The following GXYLT2 variants were observed in gnomAD, a reference collection of about 807,000 sequenced individuals.
GXYLT2 encodes the protein glycosyltransferase 8 domain containing 4.
In GXYLT2, 53 loss-of-function variants were observed where a neutral mutation model predicts 45.8. That is an observed-to-expected ratio of 1.16 (90% CI 0.93 to 1.46). GXYLT2 has a LOEUF of 1.46. Among genes scored for constraint, GXYLT2 ranks in the 40% most tolerant of loss-of-function variants. GXYLT2 has a pLI of 0.00. For synonymous variants in GXYLT2, 219 were observed against 214.2 expected (o/e 1.02, Z -0.19); for missense variants, 551 against 544.4 (o/e 1.01, Z -0.12).
At chr3:72,889,139 C>T (rs1709128021) in intron 1 of GXYLT2, among the ~76,000 whole-genome samples, 1 of 150,156 alleles carries the variant, frequency 6.7e-6, no homozygotes, top group South Asian at 2.1e-4. Flanking sequence ...TAACCTTCGA[C>T]CTTCTGTTTG....
At chr3:72,898,972 C>A (rs1386452797) in intron 1 of GXYLT2, among the ~76,000 whole-genome samples, 5 of 151,882 alleles carry the variant, frequency 3.3e-5, no homozygotes, top group African/African-American at 1.2e-4. Context: ...CTCAGGTGAT[C>A]CGCCTGCCTT....
intron 1 of GXYLT2, among the ~76,000 whole-genome samples, chr3:72,897,382 G>T (rs1373485941): frequency 2.0e-5 from 3 of 152,112 alleles, no homozygotes; most frequent in Non-Finnish European, 2.9e-5. Context: ...AATAGGTCTG[G>T]GTGTGCAACC....
At chr3:72,964,257 G>A (rs1196750258) in intron 5 of GXYLT2, among the ~76,000 whole-genome samples, 1 of 152,086 alleles carries the variant, frequency 6.6e-6, no homozygotes, top group Non-Finnish European at 1.5e-5. Flanking sequence ...TTCTGCCTTG[G>A]AGTGCCCCTC....
intron 5 of GXYLT2, among the ~76,000 whole-genome samples, chr3:72,963,006 CT>C (rs1484121436): frequency 6.6e-6 from 1 of 151,208 alleles, no homozygotes; most frequent in Non-Finnish European, 1.5e-5. Context: ...AGCCTCCGTT[CT>C]ATTGATACAG....
intron 6 of GXYLT2, among the ~76,000 whole-genome samples, chr3:72,974,286 A>G (rs760897412): frequency 3.4e-4 from 52 of 152,220 alleles, no homozygotes; most frequent in Non-Finnish European, 5.6e-4. Context: ...GATGATCTCA[A>G]AAGCCCAATA....
rs1711074931 is a variant in GXYLT2, at chr3:72,975,264, A to G, written c.*105A>G. 2.6e-6 allele frequency: 2 copies of G among 781,876 alleles called. No individual in the cohort carries two copies. Among genetic ancestry groups the G allele is most frequent in the African/African-American group, 3.6e-5 (2 of 56,010 alleles). The allele number at this position is 781,876 out of a possible 1,614,324, so 48.4% of individuals were successfully genotyped here. A position where few individuals can be genotyped will look rare whatever the true frequency, so the allele number is the denominator to read the frequency against. The stretch of plus-strand genomic sequence containing the variant: ...TGTGAATATTTAATGGTGCTCCATG[A>G]CTGTTGAGTTTTAAAAACCTCGTTA... On this transcript the variant is annotated 3_prime_UTR_variant, in exon 7 of 7. Coordinates refer to ENST00000389617, the MANE Select transcript of GXYLT2 (RefSeq NM_001080393.2).
rs114989896 is a variant in GXYLT2, at chr3:72,908,333, A to T, written c.276-34A>T. 3.4e-4 allele frequency: 515 copies of T among 1,524,028 alleles called. 6 individuals are homozygous for T. In the African/African-American group the frequency reaches 6.4e-3, roughly 19 times the overall value. 94.4% of individuals were successfully genotyped at this position (1,524,028 alleles called of 1,614,324 possible). A position where few individuals can be genotyped will look rare whatever the true frequency, so the allele number is the denominator to read the frequency against. ...TTGTTGTTTTTACTTTTTTGAGTTT[A>T]GTAATAGCTTTCACTTGTTTTCCCT... On this transcript the variant is annotated intron_variant, in intron 1 of 6. Coordinates refer to ENST00000389617, the MANE Select transcript of GXYLT2 (RefSeq NM_001080393.2).
intron 2 of GXYLT2, among the ~76,000 whole-genome samples, chr3:72,912,003 A>G (rs1485463897): frequency 7.9e-6 from 1 of 126,960 alleles, no homozygotes; most frequent in African/African-American, 3.8e-5. Context: ...GTATATATAT[A>G]TATATATATA....
chr3:72,936,224 G>A lies in GXYLT2; in HGVS notation c.600+13889G>A, dbSNP rs551545307. 3.2e-4 allele frequency among the ~76,000 whole-genome samples: 48 copies of A among 151,668 alleles called. No homozygotes were observed. The South Asian group carries it at 8.4e-3, about 26-fold the overall frequency. ...GGAGAATTGCTTGAACCTGGGAGGC[G>A]GAGGTTGCAGTGAGCCAAGATTGCG... On this transcript the variant is annotated intron_variant, in intron 3 of 6. Coordinates refer to ENST00000389617, the MANE Select transcript of GXYLT2 (RefSeq NM_001080393.2).
rs144828101 is a variant in GXYLT2, at chr3:72,896,667, G to A, written c.275+8159G>A. Among the ~76,000 whole-genome samples the A allele has an allele frequency of 5.9e-3, 890 of 152,062 alleles. 8 individuals carry two copies. Among genetic ancestry groups the A allele is most frequent in the African/African-American group, 0.019 (786 of 41,458 alleles). On this transcript the variant is annotated intron_variant, in intron 1 of 6. Transcript: ENST00000389617. ...AGTTCGAGACCATCCTGGCCAATAT[G>A]GTGAAACCTGGTCTCTACCAAAAAT...
At chr3:72,925,623 T>A (rs1051177303) in intron 3 of GXYLT2, among the ~76,000 whole-genome samples, 1 of 152,142 alleles carries the variant, frequency 6.6e-6, no homozygotes, top group African/African-American at 2.4e-5. Flanking sequence ...GTCTCCATTT[T>A]TGCAAAAAAT....
intron 6 of GXYLT2, among the ~76,000 whole-genome samples, chr3:72,971,115 G>T (rs983801908): frequency 6.6e-6 from 1 of 152,156 alleles, no homozygotes; most frequent in African/African-American, 2.4e-5. Context: ...GTCTATCAGA[G>T]CCACTCTTGG....
In GXYLT2 at chr3:72,888,279, G is replaced by T. The variant is rs978834366; in HGVS notation, c.46G>T (p.Ala16Ser). The T allele has an allele frequency of 4.8e-5, 48 of 994,556 alleles. No individual in the cohort carries two copies. Among genetic ancestry groups the T allele is most frequent in the Non-Finnish European group, 5.5e-5 (46 of 838,642 alleles). 61.6% of individuals were successfully genotyped at this position (994,556 alleles called of 1,614,324 possible). A position where few individuals can be genotyped will look rare whatever the true frequency, so the allele number is the denominator to read the frequency against. Residue 16 changes from alanine (A) to serine (S), a missense_variant, in exon 1 of 7, where the codon GCC becomes TCC. Coordinates refer to ENST00000389617, the MANE Select transcript of GXYLT2 (RefSeq NM_001080393.2). ...GGCGGCGCTGCTCTTGCTCGCGCTG[G>T]CCGCGCTGCTGCTGGCGCTGCTGTC... Reference protein sequence around the residue: ...KAAALLLLALAALLLALLSLR... With the variant: ...KAAALLLLALSALLLALLSLR...
rs1003673593 is a variant in GXYLT2 at position 72,976,500 on chromosome 3, A to C, written c.*1341A>C. 1 of 152,188 alleles carries C rather than the reference A, an allele frequency of 6.6e-6. No individual in the cohort carries two copies. 9.4% of individuals were successfully genotyped at this position (152,188 alleles called of 1,614,324 possible). A position where few individuals can be genotyped will look rare whatever the true frequency, so the allele number is the denominator to read the frequency against. On this transcript the variant is annotated 3_prime_UTR_variant, in exon 7 of 7. Transcript: ENST00000389617. ...CTGCTTCTATTGGTAAGAAAATTCA[A>C]CTTCCTACCAGCCTTAGAAAGGTCT...
At chr3:72,952,656 G>A (rs1321072734) in intron 3 of GXYLT2, among the ~76,000 whole-genome samples, 5 of 152,120 alleles carry the variant, frequency 3.3e-5, no homozygotes, top group African/African-American at 1.2e-4. Flanking sequence ...TCAGGTTGTG[G>A]TGATGGAGCC....
At chr3:72,967,062 C>G (rs970708920) in intron 5 of GXYLT2, among the ~76,000 whole-genome samples, 1 of 152,216 alleles carries the variant, frequency 6.6e-6, no homozygotes, top group African/African-American at 2.4e-5. Context: ...GCCACCACAC[C>G]CAGCCAGTGC....
chr3:72,909,038 TTTTC>T lies in GXYLT2; in HGVS notation c.468+494_468+497del, dbSNP rs1181414260. Reference sequence around the variant, plus strand: ...ACCATGCCCAGCCCCCGTTTTTTCCTTTTCTTTCTTTCTTTCTTCCTTTCTTTTT... The same window carrying T: ...ACCATGCCCAGCCCCCGTTTTTTCCTTTTCTTTCTTTCTTCCTTTCTTTTT... On this transcript the variant is annotated intron_variant, in intron 2 of 6. Coordinates refer to ENST00000389617, the MANE Select transcript of GXYLT2 (RefSeq NM_001080393.2). 6.4e-4 allele frequency among the ~76,000 whole-genome samples: 96 copies of T among 150,672 alleles called. 1 individual carries two copies. The highest frequency in any genetic ancestry group is 1.9e-3 in the Admixed American group (29 of 15,108).
chr3:72,893,036 G>C (rs1397882933), intron 1 of GXYLT2, among the ~76,000 whole-genome samples: 1 of 152,134 alleles, frequency 6.6e-6, no homozygotes, highest in Non-Finnish European at 1.5e-5. Context: ...TCTCTGGTTT[G>C]TGTGGGTCCA....
intron 6 of GXYLT2, among the ~76,000 whole-genome samples, chr3:72,973,720 G>T (rs542456064): frequency 6.6e-6 from 1 of 152,214 alleles, no homozygotes; most frequent in South Asian, 2.1e-4. Context: ...TGAGGGTTGT[G>T]GGGGGAAAGA....
Sources: gnomAD v4.1 joint callset for allele counts (sites outside exome capture counted in the v4.1 genomes callset) on GRCh38, gnomAD v4.1.1 for gene constraint, MANE v1.5 for transcripts, NCBI Gene and HGNC (gene_info 2026-07-23, HGNC 2026-07-21) for gene names.